The following ARHGAP10 variants were observed in gnomAD, a reference collection of about 807,000 sequenced individuals.
ARHGAP10 encodes the protein Rho GTPase activating protein 10.
Under a neutral mutation model 108.6 loss-of-function variants are expected in ARHGAP10, and 87 were observed. The ratio of observed to expected loss-of-function variants is 0.80; its 90% CI spans 0.67 to 0.96. The LOEUF (loss-of-function observed/expected upper bound fraction) is 0.96, where lower values mean the gene tolerates loss of function less well. Among genes scored for constraint, ARHGAP10 ranks in the 40% least tolerant of loss-of-function variants. ARHGAP10 has a pLI of 0.00. For missense variants in ARHGAP10, 939 were observed against 954.5 expected, an observed-to-expected ratio of 0.98 and a Z score of 0.21; for synonymous variants, 347 against 341.1, an observed-to-expected ratio of 1.02 and a Z score of -0.19.
At chr4:147,781,666 TTTTTC>T (rs1484979973) in intron 1 of ARHGAP10, among the ~76,000 whole-genome samples, 63 of 149,252 alleles carry the variant, frequency 4.2e-4, no homozygotes, top group Admixed American at 1.3e-4. Flanking sequence ...TTCTTTCATT[TTTTTC>T]TTTTCTTTTC....
At chr4:148,022,429 A>G (rs577490372) in intron 18 of ARHGAP10, among the ~76,000 whole-genome samples, 1 of 152,252 alleles carries the variant, frequency 6.6e-6, no homozygotes, top group Admixed American at 6.5e-5. Context: ...AATGTATTTT[A>G]CTTTATGACT....
chr4:147,983,684 A>G (rs1408301616), intron 18 of ARHGAP10, among the ~76,000 whole-genome samples: 1 of 152,044 alleles, frequency 6.6e-6, no homozygotes, highest in African/African-American at 2.4e-5. Context: ...TAGCTATGTC[A>G]TCTTTTGAAT....
At chr4:147,997,956 T>A (rs1187129642) in intron 18 of ARHGAP10, among the ~76,000 whole-genome samples, 1 of 152,032 alleles carries the variant, frequency 6.6e-6, no homozygotes, top group Non-Finnish European at 1.5e-5. Context: ...TTATAGAATA[T>A]CTAGAAAAAA....
At position 147,732,466 on chromosome 4, in the gene ARHGAP10, A is replaced by ACGCGGG. The variant is rs1728254252; in HGVS notation, c.154+17_154+22dup. 1 of 1,608,334 alleles carries ACGCGGG rather than the reference A, an allele frequency of 6.2e-7. No homozygotes were observed. Among genetic ancestry groups the ACGCGGG allele is most frequent in the Non-Finnish European group, 8.5e-7 (1 of 1,177,320 alleles). The stretch of plus-strand genomic sequence containing the variant: ...TCGCTGCGACGAAAAGTAAGCGGGG[A>ACGCGGG]CGCGGGCGCGGACGGGCTGCGGCGT... On this transcript the variant is annotated intron_variant, in intron 1 of 22. Coordinates refer to ENST00000336498, the MANE Select transcript of ARHGAP10 (RefSeq NM_024605.4).
chr4:148,002,122 A>G (rs1740746569), intron 18 of ARHGAP10, among the ~76,000 whole-genome samples: 1 of 152,202 alleles, frequency 6.6e-6, no homozygotes, highest in South Asian at 2.1e-4. Flanking sequence ...TTTTAGCATG[A>G]AGGCTGTTGA....
chr4:147,950,714 T>C (rs1231685001), intron 15 of ARHGAP10, among the ~76,000 whole-genome samples: 5 of 152,116 alleles, frequency 3.3e-5, no homozygotes, highest in Non-Finnish European at 7.4e-5. Flanking sequence ...TTTTTTTTTT[T>C]AACTTCTCAT....
chr4:147,793,317 TA>T (rs1317213449), intron 1 of ARHGAP10, among the ~76,000 whole-genome samples: 27 of 55,486 alleles, frequency 4.9e-4, no homozygotes, highest in African/African-American at 8.9e-4. Context: ...TATATATATA[TA>T]TATTTTTTTT....
rs113738752 is a variant in ARHGAP10, at chr4:147,961,153, C to G, written c.1451-3871C>G. On this transcript the variant is annotated intron_variant, in intron 16 of 22. Coordinates refer to ENST00000336498, the MANE Select transcript of ARHGAP10 (RefSeq NM_024605.4). ...CAAACAGTTCTTCAGAGTGGTTGAACCCTTTAATGATTACCATCTAGTTAG... is the reference window on the plus strand; with the variant it reads ...CAAACAGTTCTTCAGAGTGGTTGAAGCCTTTAATGATTACCATCTAGTTAG... Among the ~76,000 whole-genome samples the G allele has an allele frequency of 3.9e-5, 6 of 152,262 alleles. 2 individuals carry two copies. Among genetic ancestry groups the G allele is most frequent in the African/African-American group, 1.4e-4 (6 of 41,558 alleles).
At chr4:147,987,282 A>G (rs540949714) in intron 18 of ARHGAP10, among the ~76,000 whole-genome samples, 38 of 152,386 alleles carry the variant, frequency 2.5e-4, no homozygotes, top group Non-Finnish European at 4.3e-4. Context: ...CTATAATCAT[A>G]TAGCCATTTA....
At chr4:147,817,043 G>C (rs772813384) in intron 1 of ARHGAP10, among the ~76,000 whole-genome samples, 14 of 152,052 alleles carry the variant, frequency 9.2e-5, no homozygotes, top group Non-Finnish European at 1.9e-4. Flanking sequence ...TGAGCTTCCA[G>C]GTGCAATTTG....
intron 4 of ARHGAP10, among the ~76,000 whole-genome samples, chr4:147,850,181 G>C (rs1382972071): frequency 6.6e-6 from 1 of 152,172 alleles, no homozygotes; most frequent in Admixed American, 6.5e-5. Flanking sequence ...GTTTGTAAAT[G>C]CACCAATCAG....
chr4:147,752,542 T>G (rs79904962), intron 1 of ARHGAP10, among the ~76,000 whole-genome samples: 10 of 137,826 alleles, frequency 7.3e-5, no homozygotes, highest in Admixed American at 7.1e-4. Flanking sequence ...CAGTTTGATC[T>G]TTTTTTTTTT....
chr4:148,060,802 G>A (rs763497377), intron 20 of ARHGAP10, among the ~76,000 whole-genome samples: 10 of 152,174 alleles, frequency 6.6e-5, no homozygotes, highest in Admixed American at 1.3e-4. Flanking sequence ...GGAAGTGTGG[G>A]AGGTAATCTT....
intron 7 of ARHGAP10, 109 bp downstream of exon 7, chr4:147,866,925 C>A: frequency 1.1e-6 from 1 of 886,514 alleles, no homozygotes; most frequent in Non-Finnish European, 1.7e-6. Context: ...TCTGTTTGTA[C>A]TGAGAAACTG....
At chr4:147,734,216 GC>G (rs1306984771) in intron 1 of ARHGAP10, among the ~76,000 whole-genome samples, 3 of 152,108 alleles carry the variant, frequency 2.0e-5, no homozygotes, top group Non-Finnish European at 4.4e-5. Context: ...AGAGGGCAAA[GC>G]CAGTTTGGCC....
At chr4:147,763,355 A>G (rs1271296706) in intron 1 of ARHGAP10, among the ~76,000 whole-genome samples, 1 of 147,368 alleles carries the variant, frequency 6.8e-6, no homozygotes, top group East Asian at 2.0e-4. Flanking sequence ...CTCTGTCGCC[A>G]GGCTGGAGTG....
rs184462792 is a variant in ARHGAP10, at chr4:147,796,282, G to A, written c.155-26445G>A. Among the ~76,000 whole-genome samples the A allele has an allele frequency of 5.3e-5, 8 of 152,230 alleles. No homozygotes were observed. In the East Asian group the frequency reaches 1.5e-3, roughly 29 times the overall value. ...ATGAATATAATTAATCCTTGCCCTTGGGGAATATATAATCTAGTGGGAGAG... is the reference window on the plus strand; with the variant it reads ...ATGAATATAATTAATCCTTGCCCTTAGGGAATATATAATCTAGTGGGAGAG... On this transcript the variant is annotated intron_variant, in intron 1 of 22. Coordinates refer to ENST00000336498, the MANE Select transcript of ARHGAP10 (RefSeq NM_024605.4).
chr4:148,029,508 C>A (rs1728037354), intron 19 of ARHGAP10, among the ~76,000 whole-genome samples: 1 of 152,206 alleles, frequency 6.6e-6, no homozygotes, highest in Admixed American at 6.5e-5. Context: ...AACTGGAAAA[C>A]CATTGTTGGC....
At chr4:147,846,852 T>G (rs1733655180) in intron 3 of ARHGAP10, among the ~76,000 whole-genome samples, 1 of 152,242 alleles carries the variant, frequency 6.6e-6, no homozygotes, top group African/African-American at 2.4e-5. Context: ...TTAATGAATG[T>G]GATAGACCCC....
Sources: allele counts gnomAD v4.1 joint callset (sites outside exome capture counted in the v4.1 genomes callset), GRCh38; gene constraint gnomAD v4.1.1; transcripts MANE v1.5; gene names NCBI Gene and HGNC (gene_info 2026-07-23, HGNC 2026-07-21).